The following CCDC171 variants were observed in gnomAD, a reference collection of about 807,000 sequenced individuals.
CCDC171 encodes coiled-coil domain-containing protein 171.
A neutral mutation model predicts 168.2 loss-of-function variants in CCDC171; 177 were observed. That is an observed-to-expected ratio of 1.05 (90% confidence interval 0.93 to 1.19). The LOEUF (loss-of-function observed/expected upper bound fraction) is 1.19. Ranked by LOEUF, CCDC171 falls within the 50% of genes most tolerant of loss-of-function variation. CCDC171 has a pLI of 0.00. For synonymous variants in CCDC171, 687 were observed against 540.8 expected (o/e 1.27, Z -3.75); for missense variants, 1,991 against 1,539.0 (o/e 1.29, Z -4.91).
At chr9:15,951,578 G>A (rs1829183533) in intron 25 of CCDC171, among the ~76,000 whole-genome samples, 1 of 151,922 alleles carries the variant, frequency 6.6e-6, no homozygotes, top group African/African-American at 2.4e-5. Context: ...ATGGGTAGGA[G>A]GTAGTATCTC....
intron 21 of CCDC171, among the ~76,000 whole-genome samples, chr9:15,823,416 C>G (rs2059878453): frequency 6.6e-6 from 1 of 151,966 alleles, no homozygotes; most frequent in Admixed American, 6.6e-5. Context: ...GATGTTTTCT[C>G]TTCATATACT....
chr9:15,854,738 T>A (rs1397645448), intron 23 of CCDC171, among the ~76,000 whole-genome samples: 1 of 151,694 alleles, frequency 6.6e-6, no homozygotes, highest in Non-Finnish European at 1.5e-5. Flanking sequence ...AGCTATAGAT[T>A]TCTGTCTGAT....
chr9:15,901,851 T>A (rs1821710443), intron 24 of CCDC171, among the ~76,000 whole-genome samples: 1 of 152,202 alleles, frequency 6.6e-6, no homozygotes. Flanking sequence ...AACTGTTAAG[T>A]GAATCTATAT....
intron 25 of CCDC171, among the ~76,000 whole-genome samples, chr9:15,936,000 G>T (rs1305786523): frequency 6.6e-6 from 1 of 152,006 alleles, no homozygotes; most frequent in Non-Finnish European, 1.5e-5. Flanking sequence ...ACTTAGGCTG[G>T]CAATTTAGCT....
intron 16 of CCDC171, among the ~76,000 whole-genome samples, chr9:15,741,044 A>T (rs895815688): frequency 5.3e-5 from 8 of 152,088 alleles, no homozygotes; most frequent in Non-Finnish European, 1.2e-4. Context: ...TTATTATGGA[A>T]TTCTAAATGG....
At chr9:16,047,166 G>A (rs1833674969) in intron 1 of CCDC171, among the ~76,000 whole-genome samples, 1 of 152,166 alleles carries the variant, frequency 6.6e-6, no homozygotes, top group African/African-American at 2.4e-5. Context: ...ACCCTTTAGG[G>A]TGGTGAGTGG....
intron 3 of CCDC171, among the ~76,000 whole-genome samples, chr9:15,992,134 G>A (rs373382279): frequency 5.9e-5 from 9 of 152,086 alleles, no homozygotes; most frequent in East Asian, 5.8e-4. Flanking sequence ...AAAAAAAAGA[G>A]AATTTTAGAC....
chr9:16,091,058 C>T, the CCDC171 span, among the ~76,000 whole-genome samples: 1 of 152,188 alleles, frequency 6.6e-6, no homozygotes, highest in African/African-American at 2.4e-5. Context: ...TGGCCATAGC[C>T]AGTGATGGTC....
Position 15,723,163 on chromosome 9 carries a change from C to T in CCDC171, c.1426-518C>T, listed in dbSNP as rs192161804. Among the ~76,000 whole-genome samples, 10 of 152,282 alleles carry T rather than the reference C, an allele frequency of 6.6e-5. No homozygotes were observed. In the East Asian group the frequency reaches 1.7e-3, roughly 26 times the overall value. On this transcript the variant is annotated intron_variant, in intron 12 of 25. Transcript: ENST00000380701. ...ATGAACTGTCAAAGAAAATAAATCACAAGCGGTGCAGGACCAACTGATGAC... is the reference window on the plus strand; with the variant it reads ...ATGAACTGTCAAAGAAAATAAATCATAAGCGGTGCAGGACCAACTGATGAC...
chr9:15,653,657 C>T (rs540704157), intron 7 of CCDC171, among the ~76,000 whole-genome samples: 26 of 152,194 alleles, frequency 1.7e-4, no homozygotes, highest in African/African-American at 6.0e-4. Flanking sequence ...CTAACCCCCA[C>T]CCCTAACTCC....
At chr9:15,823,511 A>C (rs968240842) in intron 21 of CCDC171, among the ~76,000 whole-genome samples, 14 of 152,124 alleles carry the variant, frequency 9.2e-5, no homozygotes, top group Admixed American at 9.2e-4. Flanking sequence ...GGCTAGGCAC[A>C]TTGCAAGGCA....
chr9:15,948,150 T>C (rs1828659087), intron 25 of CCDC171, among the ~76,000 whole-genome samples: 1 of 151,682 alleles, frequency 6.6e-6, no homozygotes, highest in Non-Finnish European at 1.5e-5. Flanking sequence ...ACAAAGGACA[T>C]GAACTCATCA....
intron 14 of CCDC171, among the ~76,000 whole-genome samples, chr9:15,725,223 T>C (rs1409670548): frequency 1.3e-5 from 2 of 152,230 alleles, no homozygotes; most frequent in Non-Finnish European, 2.9e-5. Flanking sequence ...TTTGGACTTT[T>C]AGAATATTGT....
At chr9:16,063,906 A>G (rs1833963770), downstream of CCDC171, among the ~76,000 whole-genome samples, 2 of 152,154 alleles carry the variant, frequency 1.3e-5, no homozygotes, top group South Asian at 4.1e-4. Context: ...AAATGCAGAG[A>G]CCTTCTTATT....
At chr9:15,689,973 A>G (rs1426720603) in intron 10 of CCDC171, among the ~76,000 whole-genome samples, 1 of 152,194 alleles carries the variant, frequency 6.6e-6, no homozygotes, top group African/African-American at 2.4e-5. Flanking sequence ...TTTTCAACAA[A>G]TGGTGCTGAG....
the CCDC171 span, among the ~76,000 whole-genome samples, chr9:16,069,869 G>A: frequency 1.3e-5 from 2 of 152,130 alleles, no homozygotes; most frequent in African/African-American, 4.8e-5. Flanking sequence ...ATTCCTAAGG[G>A]GAGTTGCTGT....
chr9:15,949,585 C>G (rs1215611400), intron 25 of CCDC171, among the ~76,000 whole-genome samples: 4 of 152,152 alleles, frequency 2.6e-5, no homozygotes, highest in Non-Finnish European at 5.9e-5. Context: ...TGGGAGTTCA[C>G]TCATGATTTG....
chr9:16,038,742 G>T (rs1564130951), upstream of CCDC171, among the ~76,000 whole-genome samples: 1 of 151,144 alleles, frequency 6.6e-6, no homozygotes, highest in African/African-American at 2.4e-5. Flanking sequence ...AAATGTATCT[G>T]TTAAAACACA....
chr9:15,777,860 G>T, intron 19 of CCDC171, 34 bp downstream of exon 19: 1 of 1,338,516 alleles, frequency 7.5e-7, no homozygotes, highest in South Asian at 1.6e-5. Context: ...AGTAACCTAA[G>T]AACTTGTAGG....
Sources: allele counts gnomAD v4.1 joint callset (sites outside exome capture counted in the v4.1 genomes callset), GRCh38; gene constraint gnomAD v4.1.1; transcripts MANE v1.5; gene names NCBI Gene and HGNC (gene_info 2026-07-23, HGNC 2026-07-21).